DEFB115: variants seen among roughly 807,000 people sequenced by gnomAD.
The protein encoded by DEFB115 is beta-defensin 115.
Under a neutral mutation model 8.8 loss-of-function variants are expected in DEFB115, and 7 were observed. That is an observed-to-expected ratio of 0.79 (90% CI 0.45 to 1.49). DEFB115 has a LOEUF of 1.49. Ranked by LOEUF, DEFB115 falls within the 40% of genes most tolerant of loss-of-function variation. The probability of loss-of-function intolerance (pLI) is 0.01; values close to 1 mark genes in which losing one functional copy is unlikely to be tolerated. For missense variants in DEFB115, 143 were observed against 99.4 expected (o/e 1.44, Z -1.86); for synonymous variants, 62 against 37.6 (o/e 1.65, Z -2.37).
At chr20:31,257,803 T>C in intron 1 of DEFB115, 46 bp downstream of exon 1, 2 of 1,520,486 alleles carry the variant, frequency 1.3e-6, no homozygotes, top group Non-Finnish European at 9.1e-7. Flanking sequence ...AAGGATGGGG[T>C]CCTAACCACA....
Position 31,257,773 on chromosome 20 carries a change from G to C in DEFB115, c.94+16G>C. ...ACTGCCCCAGGTAAACAGAACCATG[G>C]AGAGAAGGGAAAAGGGAGTAAGGAT... On this transcript the variant is annotated intron_variant, in intron 1 of 1. Coordinates refer to ENST00000400552, the MANE Select transcript of DEFB115 (RefSeq NM_001037730.1). 1 of 1,600,952 alleles carries C rather than the reference G, an allele frequency of 6.2e-7. No individual in the cohort carries two copies. Among genetic ancestry groups the C allele is most frequent in the African/African-American group, 1.3e-5 (1 of 74,732 alleles).
In DEFB115 at chr20:31,259,455, G is replaced by T; in HGVS notation, c.95-5G>T. On this transcript the variant is annotated splice_polypyrimidine_tract_variant and splice_region_variant and intron_variant, in intron 1 of 1. Transcript: ENST00000400552. ...ATATATTCATGTGTTTGCTTATTTT[G>T]ATAGATGGATGGATCAGAAGGTGCT... is the stretch of plus-strand genomic sequence containing the variant. 1 of 1,582,594 alleles carries T rather than the reference G, an allele frequency of 6.3e-7. No individual in the cohort carries two copies. Among genetic ancestry groups the T allele is most frequent in the South Asian group, 1.2e-5 (1 of 84,246 alleles).
Position 31,259,464 on chromosome 20 carries a change from A to ATGG in DEFB115, c.100_102dup (p.Trp34dup). 1 of 1,592,766 alleles carries ATGG rather than the reference A, an allele frequency of 6.3e-7. No individual in the cohort carries two copies. Among genetic ancestry groups the ATGG allele is most frequent in the Non-Finnish European group, 8.5e-7 (1 of 1,173,390 alleles). Reference sequence around the variant, plus strand: ...TGTGTTTGCTTATTTTGATAGATGGATGGATCAGAAGGTGCTATTATGGAA... The same window carrying ATGG: ...TGTGTTTGCTTATTTTGATAGATGGATGGTGGATCAGAAGGTGCTATTATGGAA... On this transcript the variant is annotated inframe_insertion, in exon 2 of 2. Coordinates refer to ENST00000400552, the MANE Select transcript of DEFB115 (RefSeq NM_001037730.1).
At position 31,257,731 on chromosome 20, in the gene DEFB115, T is replaced by C. The variant is rs760827610; in HGVS notation, c.68T>C (p.Leu23Pro). ...CTCTCTGTCCTGGCCTTAGTTGTCC[T>C]TGTGGTCCTGGCTCAGACTGCCCCA... is the stretch of plus-strand genomic sequence containing the variant. ...IKLSVLALVVLVVLAQTAPDG... is the reference protein window; with the variant it reads ...IKLSVLALVVPVVLAQTAPDG... Residue 23 changes from leucine (L) to proline (P), a missense_variant, in exon 1 of 2, where the codon CTT (leucine) becomes CCT (proline). Physicochemically the swap from Leu to Pro is moderately conservative, Grantham distance 98. Coordinates refer to ENST00000400552, the MANE Select transcript of DEFB115 (RefSeq NM_001037730.1). 4 of 1,613,872 alleles carry C rather than the reference T, an allele frequency of 2.5e-6. No individual in the cohort carries two copies. The highest frequency in any genetic ancestry group is 1.3e-5 in the African/African-American group (1 of 74,914).
rs1983850788 is a variant in DEFB115, at chr20:31,259,625, A to G, written c.260A>G (p.Tyr87Cys). ...IHDQKETSEL[Y>C]I is the part of the protein sequence containing the mutation. ...GACCAAAAAGAGACAAGTGAGCTAT[A>G]TATCTAGTTGCGACTCCTAATTCAG... Residue 87 changes from tyrosine (Y) to cysteine (C), a missense_variant, in exon 2 of 2, where the codon TAT (tyrosine) becomes TGT (cysteine). By Grantham distance (194) the Tyr-to-Cys change is radical. Transcript: ENST00000400552. The G allele has an allele frequency of 6.3e-7, 1 of 1,596,798 alleles. No individual in the cohort carries two copies. Among genetic ancestry groups the G allele is most frequent in the Non-Finnish European group, 8.5e-7 (1 of 1,173,350 alleles).
chr20:31,259,294 T>A (rs963412087), intron 1 of DEFB115, among the ~76,000 whole-genome samples, 166 bp from the exon 2 acceptor site: 3 of 152,184 alleles, frequency 2.0e-5, no homozygotes, highest in African/African-American at 7.2e-5. Flanking sequence ...AGATAACTAC[T>A]CCTAGTCATT....
At chr20:31,258,683 T>C (rs1983819671) in intron 1 of DEFB115, among the ~76,000 whole-genome samples, 1 of 152,114 alleles carries the variant, frequency 6.6e-6, no homozygotes, top group South Asian at 2.1e-4. Flanking sequence ...ACTTATGAAA[T>C]ACTGGAAGAG....
intron 1 of DEFB115, among the ~76,000 whole-genome samples, chr20:31,258,835 T>A (rs752373072): frequency 3.3e-5 from 5 of 152,078 alleles, no homozygotes; most frequent in Non-Finnish European, 7.4e-5. Flanking sequence ...GATATAATGA[T>A]CCCTCAAATG....
chr20:31,258,681 A>G (rs1983819618), intron 1 of DEFB115, among the ~76,000 whole-genome samples: 1 of 152,206 alleles, frequency 6.6e-6, no homozygotes, highest in Non-Finnish European at 1.5e-5. Context: ...TGACTTATGA[A>G]ATACTGGAAG....
intron 1 of DEFB115, among the ~76,000 whole-genome samples, chr20:31,258,525 C>A (rs1983814448): frequency 6.6e-6 from 1 of 152,194 alleles, no homozygotes; most frequent in African/African-American, 2.4e-5. Context: ...AAGCCTTTGC[C>A]AATCACTCAG....
In DEFB115 at chr20:31,259,443, T is replaced by C. The variant is rs374841457; in HGVS notation, c.95-17T>C. 56 of 1,579,682 alleles carry C rather than the reference T, an allele frequency of 3.5e-5. No homozygotes were observed. In the Admixed American group the frequency reaches 6.6e-4, roughly 19 times the overall value. On this transcript the variant is annotated splice_polypyrimidine_tract_variant and intron_variant, in intron 1 of 1. Coordinates refer to ENST00000400552, the MANE Select transcript of DEFB115 (RefSeq NM_001037730.1). ...TCAAATGTATTTATATATTCATGTG[T>C]TTGCTTATTTTGATAGATGGATGGA...
intron 1 of DEFB115, among the ~76,000 whole-genome samples, chr20:31,258,033 T>C (rs1479278983): frequency 6.6e-6 from 1 of 152,200 alleles, no homozygotes; most frequent in Non-Finnish European, 1.5e-5. Context: ...CCAACATCTC[T>C]AGTATCCTGA....
chr20:31,258,949 C>T (rs977909616), intron 1 of DEFB115, among the ~76,000 whole-genome samples: 3 of 152,068 alleles, frequency 2.0e-5, no homozygotes, highest in Admixed American at 6.6e-5. Context: ...TGCACCCACC[C>T]CCCAACACAC....
In DEFB115 at chr20:31,257,699, C is replaced by T. The variant is rs770118779; in HGVS notation, c.36C>T (p.Asp12=). The T allele has an allele frequency of 1.1e-5, 18 of 1,613,918 alleles. No homozygotes were observed. The South Asian group carries it at 1.3e-4, about 12-fold the overall frequency. ...LPDHFSPLSG[D]IKLSVLALVV... ...ATCATTTCTCACCCCTCTCAGGAGA[C>T]ATTAAACTCTCTGTCCTGGCCTTAG... The change falls in exon 1 of 2, where the codon GAC becomes GAT. Residue 12 remains aspartate, a synonymous_variant. Transcript: ENST00000400552.
In DEFB115 at chr20:31,257,770, A is replaced by T; in HGVS notation, c.94+13A>T. The T allele has an allele frequency of 1.2e-6, 2 of 1,605,430 alleles. No individual in the cohort carries two copies. The highest frequency in any genetic ancestry group is 1.7e-6 in the Non-Finnish European group (2 of 1,172,168). On this transcript the variant is annotated intron_variant, in intron 1 of 1. Coordinates refer to ENST00000400552, the MANE Select transcript of DEFB115 (RefSeq NM_001037730.1). ...CAGACTGCCCCAGGTAAACAGAACCATGGAGAGAAGGGAAAAGGGAGTAAG... is the reference window on the plus strand; with the variant it reads ...CAGACTGCCCCAGGTAAACAGAACCTTGGAGAGAAGGGAAAAGGGAGTAAG...
chr20:31,258,423 GC>G (rs1479953747), intron 1 of DEFB115, among the ~76,000 whole-genome samples: 1 of 152,128 alleles, frequency 6.6e-6, no homozygotes, highest in Non-Finnish European at 1.5e-5. Context: ...CTTCCCAGGG[GC>G]TCTAAAGTTG....
At chr20:31,258,938 C>T (rs1214896372) in intron 1 of DEFB115, among the ~76,000 whole-genome samples, 1 of 152,034 alleles carries the variant, frequency 6.6e-6, no homozygotes, top group Non-Finnish European at 1.5e-5. Context: ...TAAACCCTCC[C>T]TGCACCCACC....
At chr20:31,258,510 G>A (rs1983813767) in intron 1 of DEFB115, among the ~76,000 whole-genome samples, 1 of 152,188 alleles carries the variant, frequency 6.6e-6, no homozygotes. Context: ...AGCTATTCAA[G>A]CTGAAAGCCT....
At position 31,259,509 on chromosome 20, in the gene DEFB115, A is replaced by C; in HGVS notation, c.144A>C (p.Ser48=). The part of the protein sequence containing the change: ...CYYGTGRCRK[S]CKEIERKKEK... The stretch of plus-strand genomic sequence containing the variant: ...ATGGAACTGGCAGATGCAGGAAATC[A>C]TGCAAAGAAATTGAGAGGAAGAAAG... Residue 48 remains serine (S), a synonymous_variant, in exon 2 of 2, where the codon TCA becomes TCC. Transcript: ENST00000400552. 1 of 1,613,374 alleles carries C rather than the reference A, an allele frequency of 6.2e-7. No homozygotes were observed. The highest frequency in any genetic ancestry group is 2.2e-5 in the East Asian group (1 of 44,848).
Sources: gnomAD v4.1 joint callset for allele counts (sites outside exome capture counted in the v4.1 genomes callset) on GRCh38, gnomAD v4.1.1 for gene constraint, MANE v1.5 for transcripts, NCBI Gene and HGNC (gene_info 2026-07-23, HGNC 2026-07-21) for gene names.